Variants in NDUFAF6 observed in about 807,000 individuals in gnomAD.
The protein encoded by NDUFAF6 is NADH dehydrogenase (ubiquinone) complex I, assembly factor 6.
In NDUFAF6, 45 loss-of-function variants were observed where a neutral mutation model predicts 40.8. That is an observed-to-expected ratio of 1.10 (90% CI 0.87 to 1.42). The LOEUF is 1.42. Ranked by LOEUF, NDUFAF6 falls within the 40% of genes most tolerant of loss-of-function variation. NDUFAF6 has a pLI of 0.00. For synonymous variants in NDUFAF6, 185 were observed against 155.9 expected (o/e 1.19, Z -1.39); for missense variants, 435 against 418.5 (o/e 1.04, Z -0.34).
At chr8:95,107,188 G>A (rs1809864383), downstream of NDUFAF6, among the ~76,000 whole-genome samples, 1 of 152,198 alleles carries the variant, frequency 6.6e-6, no homozygotes, top group South Asian at 2.1e-4. Flanking sequence ...GCATGCATAT[G>A]TTTTTTGCAG....
chr8:94,939,807 C>A (rs1263890913), intron 1 of NDUFAF6: 1 of 1,567,700 alleles, frequency 6.4e-7, no homozygotes, highest in Non-Finnish European at 8.6e-7. Context: ...ACAGTAGAGA[C>A]AAAATGCATG....
At chr8:95,026,973 G>A (rs1436613360) in intron 1 of NDUFAF6, among the ~76,000 whole-genome samples, 1 of 152,222 alleles carries the variant, frequency 6.6e-6, no homozygotes, top group African/African-American at 2.4e-5. Flanking sequence ...TTCACTCCAG[G>A]AGGCTGAGGC....
At chr8:95,060,785 A>G (rs1832552986), downstream of NDUFAF6, among the ~76,000 whole-genome samples, 1 of 152,254 alleles carries the variant, frequency 6.6e-6, no homozygotes, top group East Asian at 1.9e-4. Flanking sequence ...TAAAAGCTCA[A>G]AGGCACATTT....
intron 2 of NDUFAF6, among the ~76,000 whole-genome samples, chr8:95,091,797 C>A (rs1809260192): frequency 1.2e-5 from 1 of 84,978 alleles, no homozygotes; most frequent in Admixed American, 1.5e-4. Context: ...TGTGCTACTG[C>A]CCCTGGCTAA....
chr8:95,078,601 G>A (rs1016529578), downstream of NDUFAF6: 11 of 150,202 alleles, frequency 7.3e-5, no homozygotes, highest in Non-Finnish European at 1.6e-4. Flanking sequence ...AGCTGTGATT[G>A]TGCCACTGCA....
intron 1 of NDUFAF6, among the ~76,000 whole-genome samples, chr8:94,901,637 A>G (rs151102660): frequency 0.021 from 3,136 of 152,258 alleles, 36 homozygotes; most frequent in African/African-American, 0.032. Flanking sequence ...GCTGGAGTGC[A>G]GTGGCGCGAT....
In NDUFAF6 at chr8:95,025,222, T is replaced by C. The variant is rs1010207053; in HGVS notation, c.197+17T>C. The stretch of plus-strand genomic sequence containing the variant: ...GCTGCTGCGGTGAGCGAGCACGACC[T>C]TCCCTGGCGCGGCGGGAAGCGGGGT... On this transcript the variant is annotated intron_variant, in intron 1 of 8. Transcript: ENST00000396124. 2 of 1,394,730 alleles carry C rather than the reference T, an allele frequency of 1.4e-6. No individual in the cohort carries two copies. Among genetic ancestry groups the C allele is most frequent in the Non-Finnish European group, 1.8e-6 (2 of 1,084,448 alleles). The allele number at this position is 1,394,730 out of a possible 1,614,324, so 86.4% of individuals were successfully genotyped here.
chr8:95,058,129 C>G lies in NDUFAF6; in HGVS notation c.*192C>G, dbSNP rs1430637298. The G allele has an allele frequency of 6.9e-7, 1 of 1,445,354 alleles. No individual in the cohort carries two copies. Among genetic ancestry groups the G allele is most frequent in the Non-Finnish European group, 9.0e-7 (1 of 1,110,344 alleles). 89.5% of individuals were successfully genotyped at this position (1,445,354 alleles called of 1,614,324 possible). ...GACTGCTGAGATTCTGGCAGAGGCA[C>G]TGCCATTGGCACCCCTGGCCCAGAC... is the stretch of plus-strand genomic sequence containing the variant. On this transcript the variant is annotated 3_prime_UTR_variant, in exon 9 of 9. Transcript: ENST00000396124.
intron 1 of NDUFAF6, among the ~76,000 whole-genome samples, chr8:94,900,651 G>A (rs1389242703): frequency 3.3e-5 from 5 of 152,230 alleles, no homozygotes; most frequent in Admixed American, 6.5e-5. Context: ...GGCACAGAGT[G>A]CTCTGGGCGG....
intron 2 of NDUFAF6, among the ~76,000 whole-genome samples, chr8:95,012,227 C>T (rs1185771132): frequency 6.6e-6 from 1 of 152,174 alleles, no homozygotes; most frequent in Admixed American, 6.5e-5. Flanking sequence ...AGCATCTGTA[C>T]TTCCTTTGAT....
chr8:95,084,747 A>G (rs1808986702), intron 2 of NDUFAF6, among the ~76,000 whole-genome samples: 1 of 152,214 alleles, frequency 6.6e-6, no homozygotes, highest in Non-Finnish European at 1.5e-5. Context: ...TATGTGTCCT[A>G]CCTAGACAGG....
intron 2 of NDUFAF6, among the ~76,000 whole-genome samples, chr8:95,013,380 G>A (rs1332055469): frequency 1.3e-5 from 2 of 152,184 alleles, no homozygotes; most frequent in Admixed American, 6.5e-5. Context: ...TTCTGGGATT[G>A]CAGGTGTGAG....
At chr8:95,098,115 A>G (rs756559626), upstream of NDUFAF6, among the ~76,000 whole-genome samples, 16 of 152,302 alleles carry the variant, frequency 1.1e-4, no homozygotes, top group South Asian at 2.1e-4. Flanking sequence ...TTGCTTTCCA[A>G]AAGTGAATTT....
In NDUFAF6 at chr8:95,088,728, T is replaced by TGTG. The variant is rs775391766; in HGVS notation, n.214-12404_214-12403insGTG. Among the ~76,000 whole-genome samples, 392 of 54,176 alleles carry TGTG rather than the reference T, an allele frequency of 7.2e-3. 3 individuals are homozygous for TGTG. The highest frequency in any genetic ancestry group is 0.024 in the African/African-American group (325 of 13,364). The allele number at this position is 54,176 out of a possible 152,430, so 35.5% of individuals were successfully genotyped here. A position where few individuals can be genotyped will look rare whatever the true frequency, so the allele number is the denominator to read the frequency against. On this transcript the variant is annotated intron_variant and non_coding_transcript_variant, in intron 2 of 5. Transcript: ENST00000523184. ...GTGTGTGTGTGTGTGTGTGTGTGTG[T>TGTG]TTTCTTTTTGTTTTCTTGTTTTTAT...
At chr8:95,082,692 C>G (rs921117971) in intron 2 of NDUFAF6, among the ~76,000 whole-genome samples, 3 of 152,162 alleles carry the variant, frequency 2.0e-5, no homozygotes, top group Non-Finnish European at 4.4e-5. Context: ...CGGAGTCTCG[C>G]TCTGTCGCCC....
intron 2 of NDUFAF6, among the ~76,000 whole-genome samples, chr8:95,083,463 A>G (rs548938211): frequency 6.6e-6 from 1 of 152,328 alleles, no homozygotes; most frequent in South Asian, 2.1e-4. Context: ...CTTGAATGTT[A>G]ATTTTAGCAC....
At chr8:94,941,156 C>T in intron 1 of NDUFAF6, 1 of 479,406 alleles carries the variant, frequency 2.1e-6, no homozygotes, top group East Asian at 3.4e-5. Flanking sequence ...TAAGTACATA[C>T]ACATACACAC....
chr8:94,942,284 C>T (rs1474514212), intron 1 of NDUFAF6, among the ~76,000 whole-genome samples: 1 of 152,050 alleles, frequency 6.6e-6, no homozygotes, highest in East Asian at 1.9e-4. Context: ...TCATGATCCG[C>T]CCACCTCAGC....
chr8:95,103,466 C>T (rs762681533), downstream of NDUFAF6: 8 of 152,144 alleles, frequency 5.3e-5, no homozygotes, highest in Non-Finnish European at 1.0e-4. Context: ...AATTTAGAAA[C>T]AATTGAGAAA....
Sources: gnomAD v4.1 joint callset for allele counts (sites outside exome capture counted in the v4.1 genomes callset) on GRCh38, gnomAD v4.1.1 for gene constraint, MANE v1.5 for transcripts, NCBI Gene and HGNC (gene_info 2026-07-23, HGNC 2026-07-21) for gene names.